WDR70: variants seen among roughly 807,000 people sequenced by gnomAD.
The protein encoded by WDR70 is WD repeat-containing protein 70.
Under a neutral mutation model 88.6 loss-of-function variants are expected in WDR70, and 53 were observed. That is an observed-to-expected ratio of 0.60 (90% CI 0.48 to 0.75). WDR70 has a LOEUF of 0.75. WDR70 is among the 30% of genes least tolerant of loss of function. The pLI, the probability that WDR70 is intolerant of heterozygous loss-of-function variation, is 0.00. For missense variants in WDR70, 610 were observed against 823.2 expected, an observed-to-expected ratio of 0.74 and a Z score of 3.17; for synonymous variants, 280 against 270.0, an observed-to-expected ratio of 1.04 and a Z score of -0.36.
intron 17 of WDR70, among the ~76,000 whole-genome samples, chr5:37,743,879 G>A (rs1262713827): frequency 2.0e-5 from 3 of 152,206 alleles, no homozygotes; most frequent in African/African-American, 7.2e-5. Flanking sequence ...AGACGAGTGG[G>A]TTTCCCCCCA....
intron 10 of WDR70, among the ~76,000 whole-genome samples, chr5:37,609,784 A>G (rs1275903965): frequency 6.6e-6 from 1 of 152,104 alleles, no homozygotes; most frequent in East Asian, 1.9e-4. Context: ...CAGTGCCCCC[A>G]TTTTCAGCCA....
chr5:37,620,907 A>C (rs1055560602), intron 10 of WDR70, among the ~76,000 whole-genome samples: 2 of 152,184 alleles, frequency 1.3e-5, no homozygotes, highest in African/African-American at 4.8e-5. Flanking sequence ...TCATGAACAC[A>C]GTGTACACTT....
chr5:37,426,700 T>G (rs1156465521), intron 5 of WDR70, among the ~76,000 whole-genome samples: 1 of 152,030 alleles, frequency 6.6e-6, no homozygotes, highest in East Asian at 1.9e-4. Flanking sequence ...ACAACAAGGG[T>G]GTGAATATTG....
At chr5:37,623,054 A>T (rs371238884) in intron 10 of WDR70, among the ~76,000 whole-genome samples, 12 of 152,272 alleles carry the variant, frequency 7.9e-5, no homozygotes, top group African/African-American at 1.9e-4. Flanking sequence ...TTCCATGTTA[A>T]AAAGGGATAT....
chr5:37,408,134 G>A (rs2111945325), intron 5 of WDR70, among the ~76,000 whole-genome samples: 1 of 152,178 alleles, frequency 6.6e-6, no homozygotes, highest in East Asian at 1.9e-4. Flanking sequence ...CAAGTTAGAT[G>A]CTGTAGCTGT....
intron 10 of WDR70, among the ~76,000 whole-genome samples, chr5:37,615,074 G>A (rs1387565178): frequency 6.6e-6 from 1 of 151,990 alleles, no homozygotes; most frequent in African/African-American, 2.4e-5. Flanking sequence ...AGGGATAAGG[G>A]AAGGAACCCC....
intron 9 of WDR70, among the ~76,000 whole-genome samples, chr5:37,595,243 T>G: frequency 6.6e-6 from 1 of 152,194 alleles, no homozygotes. Context: ...AACTAATAAG[T>G]GAGTTTAGCA....
At chr5:37,576,606 C>T (rs758420497) in intron 9 of WDR70, among the ~76,000 whole-genome samples, 3 of 152,072 alleles carry the variant, frequency 2.0e-5, no homozygotes, top group African/African-American at 7.2e-5. Flanking sequence ...TAATTGATAG[C>T]GCTTCCTTCC....
Position 37,655,860 on chromosome 5 carries a change from G to C in WDR70, c.1093-41795G>C, listed in dbSNP as rs559112125. ...CTCTAACCTTTTTTCAAGGTTCTTA[G>C]TTTCCTTGCATTGGGTTAGAACATG... On this transcript the variant is annotated intron_variant, in intron 10 of 17. Transcript: ENST00000265107. Among the ~76,000 whole-genome samples the C allele has an allele frequency of 2.6e-5, 4 of 151,884 alleles. No homozygotes were observed. In the South Asian group the frequency reaches 8.3e-4, roughly 32 times the overall value.
At chr5:37,462,596 C>A (rs1248949996) in intron 7 of WDR70, among the ~76,000 whole-genome samples, 3 of 152,186 alleles carry the variant, frequency 2.0e-5, no homozygotes, top group Non-Finnish European at 2.9e-5. Context: ...GCCACCGCAC[C>A]CGGCCCAAGT....
intron 5 of WDR70, among the ~76,000 whole-genome samples, chr5:37,403,454 A>G (rs749680929): frequency 7.2e-5 from 11 of 152,168 alleles, no homozygotes; most frequent in Non-Finnish European, 1.6e-4. Context: ...CTGTAACACA[A>G]GTCACATTGC....
At chr5:37,715,748 A>G (rs1747635512) in intron 13 of WDR70, among the ~76,000 whole-genome samples, 1 of 152,252 alleles carries the variant, frequency 6.6e-6, no homozygotes, top group Non-Finnish European at 1.5e-5. Context: ...CAATATTTTA[A>G]TATAGAAAAC....
chr5:37,691,945 T>C (rs1321567459), intron 10 of WDR70, among the ~76,000 whole-genome samples: 1 of 151,742 alleles, frequency 6.6e-6, no homozygotes, highest in Non-Finnish European at 1.5e-5. Flanking sequence ...TCAACAAAAT[T>C]GATAGACCAC....
intron 8 of WDR70, among the ~76,000 whole-genome samples, chr5:37,489,703 G>A (rs529242238): frequency 4.6e-5 from 7 of 152,150 alleles, no homozygotes; most frequent in African/African-American, 1.7e-4. Flanking sequence ...AGGCTATATG[G>A]TAGGGTGGTG....
At chr5:37,627,477 T>G (rs892768672) in intron 10 of WDR70, among the ~76,000 whole-genome samples, 24 of 151,932 alleles carry the variant, frequency 1.6e-4, no homozygotes, top group African/African-American at 5.8e-4. Flanking sequence ...GGTTTGTTTG[T>G]TTTTTTTCTT....
intron 7 of WDR70, 56 bp downstream of exon 7, chr5:37,443,428 A>G: frequency 6.3e-7 from 1 of 1,598,506 alleles, no homozygotes; most frequent in Non-Finnish European, 8.5e-7. Context: ...TCACATTGGA[A>G]GACAGTGCTG....
At chr5:37,391,865 T>C in intron 3 of WDR70, 135 bp from the exon 4 acceptor site, 1 of 953,620 alleles carries the variant, frequency 1.0e-6, no homozygotes, top group Non-Finnish European at 1.5e-6. Context: ...CTGTGGTTGA[T>C]AATTTTTTGC....
chr5:37,657,549 G>T (rs1745592488), intron 10 of WDR70, among the ~76,000 whole-genome samples: 2 of 152,164 alleles, frequency 1.3e-5, no homozygotes, highest in Non-Finnish European at 2.9e-5. Context: ...TTTATCTCTG[G>T]ATAGTTCCCT....
chr5:37,671,540 T>TCCTAGC (rs1018900746), intron 10 of WDR70, among the ~76,000 whole-genome samples: 1 of 152,190 alleles, frequency 6.6e-6, no homozygotes, highest in African/African-American at 2.4e-5. Flanking sequence ...GGTCAAGTAG[T>TCCTAGC]CCTAGCCCTA....
Sources: gnomAD v4.1 joint callset for allele counts (sites outside exome capture counted in the v4.1 genomes callset) on GRCh38, gnomAD v4.1.1 for gene constraint, MANE v1.5 for transcripts, NCBI Gene and HGNC (gene_info 2026-07-23, HGNC 2026-07-21) for gene names.